Variants in WASF3 observed in about 807,000 individuals in gnomAD.
WASF3 encodes actin-binding protein WASF3.
A neutral mutation model predicts 46.6 loss-of-function variants in WASF3; 11 were observed. That is an observed-to-expected ratio of 0.24 (90% confidence interval 0.15 to 0.39). WASF3 has a LOEUF of 0.39. Among genes scored for constraint, WASF3 ranks in the 10% least tolerant of loss-of-function variants. The probability of loss-of-function intolerance (pLI) is 1.00; values close to 1 mark genes in which losing one functional copy is unlikely to be tolerated. For synonymous variants in WASF3, 242 were observed against 259.7 expected (o/e 0.93, Z 0.65); for missense variants, 576 against 669.8 (o/e 0.86, Z 1.55).
intron 3 of WASF3, among the ~76,000 whole-genome samples, chr13:26,662,223 C>A (rs1882651512): frequency 1.3e-5 from 2 of 152,196 alleles, no homozygotes; most frequent in African/African-American, 4.8e-5. Context: ...ATTAGTTCAG[C>A]CACTGTGGAA....
At chr13:26,661,135 T>G (rs1882617653) in intron 3 of WASF3, among the ~76,000 whole-genome samples, 1 of 152,204 alleles carries the variant, frequency 6.6e-6, no homozygotes, top group Non-Finnish European at 1.5e-5. Flanking sequence ...GGGATCACAT[T>G]TCAACATGAG....
upstream of WASF3, among the ~76,000 whole-genome samples, chr13:26,553,130 T>C (rs981858356): frequency 6.6e-6 from 1 of 152,234 alleles, no homozygotes; most frequent in Non-Finnish European, 1.5e-5. Flanking sequence ...TGCATCTCAC[T>C]GCCCTGTGGG....
intron 2 of WASF3, among the ~76,000 whole-genome samples, chr13:26,629,113 C>G (rs372480690): frequency 6.6e-5 from 10 of 152,340 alleles, no homozygotes; most frequent in African/African-American, 2.4e-4. Flanking sequence ...AAGTGGGTCC[C>G]CTCGTCAGAT....
intron 4 of WASF3, among the ~76,000 whole-genome samples, chr13:26,667,282 ATAAT>A (rs1882801723): frequency 1.3e-5 from 2 of 152,204 alleles, no homozygotes; most frequent in African/African-American, 4.8e-5. Context: ...GTTCAGTGAA[ATAAT>A]TAGATTACTA....
chr13:26,628,361 GAGA>G (rs1272503805), intron 2 of WASF3, among the ~76,000 whole-genome samples: 1 of 152,154 alleles, frequency 6.6e-6, no homozygotes, highest in Admixed American at 6.5e-5. Context: ...CCCCCACCAT[GAGA>G]AAGAGTTTGC....
chr13:26,577,297 G>T, intron 1 of WASF3: 2 of 746,942 alleles, frequency 2.7e-6, no homozygotes, highest in East Asian at 5.0e-5. Context: ...TGTCTGTTCT[G>T]TGTTGGTTTT....
intron 1 of WASF3, among the ~76,000 whole-genome samples, chr13:26,568,137 T>C (rs1387527042): frequency 6.6e-6 from 1 of 152,138 alleles, no homozygotes; most frequent in African/African-American, 2.4e-5. Context: ...TGGTGCACTT[T>C]GGATTTTATT....
chr13:26,548,035 A>G, the WASF3 span, among the ~76,000 whole-genome samples: 6 of 152,210 alleles, frequency 3.9e-5, no homozygotes, highest in African/African-American at 1.4e-4. Flanking sequence ...GCCAGGGTCA[A>G]TCATTTGGGT....
upstream of WASF3, among the ~76,000 whole-genome samples, chr13:26,552,944 T>C (rs145600900): frequency 3.0e-4 from 45 of 152,348 alleles, no homozygotes; most frequent in African/African-American, 9.9e-4. Context: ...CACTATCAGA[T>C]TCAAATTAAG....
upstream of WASF3, among the ~76,000 whole-genome samples, chr13:26,557,540 G>A (rs182904328): frequency 5.6e-3 from 849 of 152,226 alleles, 10 homozygotes; most frequent in African/African-American, 0.019. Context: ...CGCTCAGCGC[G>A]CTCGCCGGCT....
At position 26,682,663 on chromosome 13, in the gene WASF3, C is replaced by G. The variant is rs371835977; in HGVS notation, c.1040C>G (p.Pro347Arg). ...AACCCATCCGGACCACCTCCTCCGCCACCTCCTCCTGTGATTCCCTCAGCA... is the reference window on the plus strand; with the variant it reads ...AACCCATCCGGACCACCTCCTCCGCGACCTCCTCCTGTGATTCCCTCAGCA... ...YYNPSGPPPPPPPPVIPSAQT... is the reference protein window; with the variant it reads ...YYNPSGPPPPRPPPVIPSAQT... Residue 347 changes from proline to arginine, a missense_variant, in exon 9 of 10, where the codon CCA (proline) becomes CGA (arginine). This residue lies in a region of WASF3 where 295 missense variants were observed against 291.5 expected (regional missense o/e 1.01). Coordinates refer to ENST00000335327, the MANE Select transcript of WASF3 (RefSeq NM_006646.6). The surrounding 1 kb of genome is among the most constrained non-coding windows in gnomAD (Gnocchi z 4.4). 6.2e-7 allele frequency: 1 copy of G among 1,614,048 alleles called. No homozygotes were observed. The highest frequency in any genetic ancestry group is 1.3e-5 in the African/African-American group (1 of 74,912).
At chr13:26,657,449 TTA>T (rs1233419595) in intron 3 of WASF3, among the ~76,000 whole-genome samples, 9 of 152,250 alleles carry the variant, frequency 5.9e-5, no homozygotes, top group African/African-American at 1.7e-4. Flanking sequence ...CCGCCATCAC[TTA>T]TATATAAACT....
chr13:26,682,646 C>T lies in WASF3; in HGVS notation c.1023C>T (p.Ser341=), dbSNP rs374093278. The change falls in exon 9 of 10, where the codon TCC becomes TCT. Residue 341 remains serine, a synonymous_variant. Transcript: ENST00000335327. This position sits in a 1 kb window ranked among gnomAD's most constrained non-coding sequence, Gnocchi z 4.4. ...AGATAATTGAGTATTACAACCCATC[C>T]GGACCACCTCCTCCGCCACCTCCTC... ...PAQIIEYYNP[S]GPPPPPPPPV... is the part of the protein sequence containing the mutation. 1.4e-5 allele frequency: 22 copies of T among 1,614,028 alleles called. No homozygotes were observed. The highest frequency in any genetic ancestry group is 2.2e-5 in the South Asian group (2 of 91,084).
At chr13:26,648,854 G>A (rs1418295065) in intron 3 of WASF3, among the ~76,000 whole-genome samples, 2 of 152,028 alleles carry the variant, frequency 1.3e-5, no homozygotes, top group Admixed American at 6.6e-5. Flanking sequence ...CCACCACCCC[G>A]ACAAAAGGCA....
At position 26,682,891 on chromosome 13, in the gene WASF3, C is replaced by A. The variant is rs1339796008; in HGVS notation, c.1268C>A (p.Pro423Gln). Reference protein sequence around the residue: ...SLSSSPMHGPPVAEAKRQEPA... With the variant: ...SLSSSPMHGPQVAEAKRQEPA... ...TCGTCCTCCCCAATGCATGGCCCCC[C>A]AGTAGCTGAGGCGAAGCGGCAAGAG... is the stretch of plus-strand genomic sequence containing the variant. Residue 423 changes from proline (P) to glutamine (Q), a missense_variant, in exon 9 of 10, where the codon CCA becomes CAA. Coordinates refer to ENST00000335327, the MANE Select transcript of WASF3 (RefSeq NM_006646.6). The surrounding 1 kb of genome is among the most constrained non-coding windows in gnomAD (Gnocchi z 4.4). The A allele has an allele frequency of 1.9e-6, 3 of 1,612,000 alleles. No homozygotes were observed. The highest frequency in any genetic ancestry group is 2.5e-6 in the Non-Finnish European group (3 of 1,180,016).
upstream of WASF3, among the ~76,000 whole-genome samples, chr13:26,554,055 CCTTCCT>C (rs1879031503): frequency 1.4e-5 from 1 of 70,664 alleles, no homozygotes; most frequent in African/African-American, 6.5e-5. Flanking sequence ...TTCCTTCCTT[CCTTCCT>C]TCCTTCCTTC....
chr13:26,553,305 G>C (rs1228851974), upstream of WASF3, among the ~76,000 whole-genome samples: 1 of 152,072 alleles, frequency 6.6e-6, no homozygotes, highest in Non-Finnish European at 1.5e-5. Context: ...CGTATACCAG[G>C]TTGGTCAAAT....
At chr13:26,544,031 T>C in the WASF3 span, among the ~76,000 whole-genome samples, 3 of 152,196 alleles carry the variant, frequency 2.0e-5, no homozygotes, top group Non-Finnish European at 4.4e-5. Context: ...CCATGCATGC[T>C]TGTATGTAAC....
intron 1 of WASF3, among the ~76,000 whole-genome samples, chr13:26,595,832 C>A (rs1234868494): frequency 6.6e-6 from 1 of 152,136 alleles, no homozygotes; most frequent in African/African-American, 2.4e-5. Flanking sequence ...ATTGTTCATT[C>A]CTTTGTATTG....
Sources: allele counts gnomAD v4.1 joint callset (sites outside exome capture counted in the v4.1 genomes callset), GRCh38; gene constraint gnomAD v4.1.1; regional missense constraint gnomAD v4.1.1; non-coding constraint Gnocchi (gnomAD v3.1); transcripts MANE v1.5; gene names NCBI Gene and HGNC (gene_info 2026-07-23, HGNC 2026-07-21).